ADAM7: variants seen among roughly 807,000 people sequenced by gnomAD.
ADAM7 encodes the protein ADAM metallopeptidase domain 7.
A neutral mutation model predicts 102.9 loss-of-function variants in ADAM7; 97 were observed. The observed-to-expected ratio is 0.94, with a 90% CI of 0.80 to 1.12. ADAM7 has a LOEUF of 1.12. Ranked by LOEUF, ADAM7 falls within the 50% of genes most tolerant of loss-of-function variation. The pLI, the probability that ADAM7 is intolerant of heterozygous loss-of-function variation, is 0.00. For missense variants in ADAM7, 991 were observed against 908.7 expected, an observed-to-expected ratio of 1.09 and a Z score of -1.16; for synonymous variants, 334 against 304.4, an observed-to-expected ratio of 1.10 and a Z score of -1.01.
chr8:24,476,498 C>T lies in ADAM7; in HGVS notation c.699C>T (p.Val233=), dbSNP rs766093123. The change falls in exon 8 of 22, where the codon GTC becomes GTT. Residue 233 remains valine, a synonymous_variant. Coordinates refer to ENST00000175238, the MANE Select transcript of ADAM7 (RefSeq NM_003817.4). ...GAATTTGGGGAATGGTCAATTTTGT[C>T]AACATGGTAAGATTTGATACAGTTT... ...RNRIWGMVNF[V]NMIYKTLNIH... is the part of the protein sequence containing the mutation. 1.9e-5 allele frequency: 31 copies of T among 1,606,572 alleles called. No individual in the cohort carries two copies. Among genetic ancestry groups the T allele is most frequent in the Non-Finnish European group, 2.6e-5 (31 of 1,174,640 alleles).
At chr8:24,444,004 G>T (rs1045500689) in intron 2 of ADAM7, among the ~76,000 whole-genome samples, 3 of 151,124 alleles carry the variant, frequency 2.0e-5, no homozygotes, top group Non-Finnish European at 4.4e-5. Context: ...TACCAGATAA[G>T]CTTGGATAAG....
At chr8:24,506,422 G>T (rs534564821) in intron 20 of ADAM7, among the ~76,000 whole-genome samples, 2 of 152,140 alleles carry the variant, frequency 1.3e-5, no homozygotes, top group Admixed American at 1.3e-4. Flanking sequence ...TTGGCATTTT[G>T]TTCACCATGA....
intron 8 of ADAM7, among the ~76,000 whole-genome samples, chr8:24,479,860 G>T (rs1454952703): frequency 1.3e-5 from 2 of 152,262 alleles, no homozygotes; most frequent in East Asian, 3.9e-4. Flanking sequence ...CACACTTGTT[G>T]GCCCTATGGC....
chr8:24,508,481 T>G, intron 21 of ADAM7, 65 bp from the exon 22 acceptor site: 1 of 1,516,910 alleles, frequency 6.6e-7, no homozygotes, highest in Non-Finnish European at 9.2e-7. Context: ...AAATGAGTAA[T>G]GGAAATACAT....
At chr8:24,463,856 C>T (rs371059047) in intron 3 of ADAM7, 26 bp from the exon 4 acceptor site, 40 of 1,588,636 alleles carry the variant, frequency 2.5e-5, no homozygotes, top group African/African-American at 2.2e-4. Flanking sequence ...GAACAAATCT[C>T]ACCACCTGTC....
chr8:24,501,896 A>C (rs7015284), intron 20 of ADAM7, among the ~76,000 whole-genome samples: 6 of 152,232 alleles, frequency 3.9e-5, no homozygotes, highest in Non-Finnish European at 8.8e-5. Flanking sequence ...GTTTTAACAA[A>C]CTTAAAAGAA....
At chr8:24,487,894 C>T (rs1448265487) in intron 11 of ADAM7, among the ~76,000 whole-genome samples, 1 of 152,084 alleles carries the variant, frequency 6.6e-6, no homozygotes, top group Admixed American at 6.6e-5. Flanking sequence ...GTACCAATTG[C>T]TACCAAGGCA....
chr8:24,499,426 C>A (rs1820670900), intron 17 of ADAM7, 110 bp downstream of exon 17: 6 of 747,958 alleles, frequency 8.0e-6, no homozygotes, highest in Admixed American at 3.9e-5. Flanking sequence ...TTGCTGCTTT[C>A]TAAATCAAAT....
At chr8:24,493,980 G>C (rs933392462) in intron 16 of ADAM7, among the ~76,000 whole-genome samples, 1 of 152,134 alleles carries the variant, frequency 6.6e-6, no homozygotes, top group African/African-American at 2.4e-5. Flanking sequence ...TTTATGGCAA[G>C]ATGACAACAT....
intron 4 of ADAM7, 60 bp from the exon 5 acceptor site, chr8:24,465,639 T>C: frequency 3.1e-6 from 3 of 979,114 alleles, no homozygotes; most frequent in Non-Finnish European, 2.9e-6. Context: ...TATTTAGATA[T>C]TAGTATCTAT....
chr8:24,483,343 C>T (rs999774766), intron 9 of ADAM7, among the ~76,000 whole-genome samples: 22 of 152,292 alleles, frequency 1.4e-4, no homozygotes, highest in Non-Finnish European at 2.2e-4. Flanking sequence ...TCCTTTGGAG[C>T]GATGCCATCT....
intron 7 of ADAM7, 110 bp from the exon 8 acceptor site, chr8:24,476,323 A>T (rs1819765680): frequency 1.4e-6 from 1 of 733,890 alleles, no homozygotes; most frequent in Non-Finnish European, 2.1e-6. Context: ...CTCTTTCTTC[A>T]TTAGGCCAAT....
chr8:24,465,645 T>G (rs1279974696), intron 4 of ADAM7, 54 bp from the exon 5 acceptor site: 1 of 1,069,826 alleles, frequency 9.3e-7, no homozygotes, highest in African/African-American at 1.6e-5. Context: ...GATATTAGTA[T>G]CTATATAAAA....
chr8:24,464,743 G>A (rs1011479396), intron 4 of ADAM7, among the ~76,000 whole-genome samples: 1 of 151,204 alleles, frequency 6.6e-6, no homozygotes. Flanking sequence ...TGTGACTACA[G>A]GCGCATGCCA....
Position 24,501,496 on chromosome 8 carries a change from G to C in ADAM7, c.2128G>C (p.Gly710Arg). 1 of 1,607,970 alleles carries C rather than the reference G, an allele frequency of 6.2e-7. No homozygotes were observed. The highest frequency in any genetic ancestry group is 8.5e-7 in the Non-Finnish European group (1 of 1,177,788). Residue 710 changes from glycine (G) to arginine (R), a missense_variant, in exon 20 of 22, where the codon GGA becomes CGA. Gly to Arg is a moderately radical substitution (Grantham distance 125, BLOSUM62 -2). Transcript: ENST00000175238. ...TGACAGCCCACCTACAGAAACCCTGGGAGTGGAGAACAAAGGATACTTTGG... is the reference window on the plus strand; with the variant it reads ...TGACAGCCCACCTACAGAAACCCTGCGAGTGGAGAACAAAGGATACTTTGG... ...QVQSPPTETL[G>R]VENKGYFGDE... is the part of the protein sequence containing the mutation.
rs750349883 is a variant in ADAM7, at chr8:24,482,143, T to C, written c.707T>C (p.Ile236Thr). Reference sequence around the variant, plus strand: ...AAAAATGATTTCTTCTTTGAACAGATTTATAAAACCTTAAACATCCATGTG... The same window carrying C: ...AAAAATGATTTCTTCTTTGAACAGACTTATAAAACCTTAAACATCCATGTG... ...IWGMVNFVNM[I>T]YKTLNIHVTL... Residue 236 changes from isoleucine to threonine, a missense_variant and splice_region_variant, in exon 9 of 22, where the codon ATT (isoleucine) becomes ACT (threonine). Ile to Thr is a moderately conservative substitution (Grantham distance 89). Transcript: ENST00000175238. The C allele has an allele frequency of 6.3e-6, 10 of 1,577,426 alleles. No homozygotes were observed. The South Asian group carries it at 1.1e-4, about 17-fold the overall frequency.
chr8:24,484,113 C>A (rs935002015), intron 9 of ADAM7, among the ~76,000 whole-genome samples: 1 of 152,098 alleles, frequency 6.6e-6, no homozygotes, highest in Non-Finnish European at 1.5e-5. Context: ...CTTGTCCTGG[C>A]GCTTCCCCTC....
chr8:24,442,405 C>T, intron 1 of ADAM7, 68 bp from the exon 2 acceptor site: 4 of 1,064,266 alleles, frequency 3.8e-6, no homozygotes, highest in Non-Finnish European at 5.9e-6. Flanking sequence ...TAGAACAATT[C>T]TGTTTTTCAG....
chr8:24,499,949 T>C (rs1820697241), intron 17 of ADAM7, among the ~76,000 whole-genome samples: 1 of 152,142 alleles, frequency 6.6e-6, no homozygotes, highest in Non-Finnish European at 1.5e-5. Context: ...AATTTGTCAG[T>C]ATCATTCTCT....
Sources: allele counts gnomAD v4.1 joint callset (sites outside exome capture counted in the v4.1 genomes callset), GRCh38; gene constraint gnomAD v4.1.1; transcripts MANE v1.5; gene names NCBI Gene and HGNC (gene_info 2026-07-23, HGNC 2026-07-21).